RSPO3: variants seen among roughly 807,000 people sequenced by gnomAD.
RSPO3 encodes the protein R-spondin 3, also known as R-spondin-3.
A neutral mutation model predicts 36.5 loss-of-function variants in RSPO3; 17 were observed. The ratio of observed to expected loss-of-function variants is 0.47; its 90% confidence interval spans 0.32 to 0.70. The LOEUF (loss-of-function observed/expected upper bound fraction) is 0.70. Among genes scored for constraint, RSPO3 ranks in the 30% least tolerant of loss-of-function variants. RSPO3 has a pLI of 0.04. For missense variants in RSPO3, 294 were observed against 322.5 expected, an observed-to-expected ratio of 0.91 and a Z score of 0.68; for synonymous variants, 108 against 107.0, an observed-to-expected ratio of 1.01 and a Z score of -0.06.
At chr6:127,139,576 T>C (rs1053068527) in intron 1 of RSPO3, among the ~76,000 whole-genome samples, 6 of 151,764 alleles carry the variant, frequency 4.0e-5, no homozygotes, top group African/African-American at 1.5e-4. Flanking sequence ...AAAATATTTC[T>C]AACCTTAAAA....
Position 127,167,453 on chromosome 6 carries a change from G to A in RSPO3, c.634+12015G>A, listed in dbSNP as rs192651069. Among the ~76,000 whole-genome samples, 24 of 151,948 alleles carry A rather than the reference G, an allele frequency of 1.6e-4. 1 individual carries two copies. The highest frequency in any genetic ancestry group is 2.7e-4 in the Non-Finnish European group (18 of 67,920). On this transcript the variant is annotated intron_variant, in intron 4 of 4. Transcript: ENST00000356698. Reference sequence around the variant, plus strand: ...CATATCCCTGTAAAGGACATGATCCGATTCCCTTTTATGGCTGCATAATAT... The same window carrying A: ...CATATCCCTGTAAAGGACATGATCCAATTCCCTTTTATGGCTGCATAATAT...
chr6:127,123,827 T>C (rs1773890576), intron 1 of RSPO3, among the ~76,000 whole-genome samples: 1 of 152,066 alleles, frequency 6.6e-6, no homozygotes, highest in Non-Finnish European at 1.5e-5. Context: ...GCATTTAATA[T>C]TGTACAAATT....
intron 4 of RSPO3, chr6:127,192,786 A>G (rs747593545): frequency 7.4e-5 from 46 of 618,448 alleles, no homozygotes; most frequent in South Asian, 5.0e-4. Flanking sequence ...GTATATATAT[A>G]TGTGTGTGTA....
rs549833773 is a variant in RSPO3, at chr6:127,139,018, T to A, written c.98-9630T>A. ...ATGCAGGGAGCCATGCACATAAGTA[T>A]AAAGATGCATCATACTTACAAAGGT... On this transcript the variant is annotated intron_variant, in intron 1 of 4. Coordinates refer to ENST00000356698, the MANE Select transcript of RSPO3 (RefSeq NM_032784.5). Among the ~76,000 whole-genome samples the A allele has an allele frequency of 3.9e-4, 60 of 152,274 alleles. No homozygotes were observed. The East Asian group carries it at 0.012, about 29-fold the overall frequency.
intron 1 of RSPO3, among the ~76,000 whole-genome samples, chr6:127,143,852 T>C (rs1167632065): frequency 3.3e-5 from 5 of 152,242 alleles, no homozygotes; most frequent in Non-Finnish European, 5.9e-5. Flanking sequence ...TGATACATCA[T>C]AAACATTGAA....
intron 4 of RSPO3, among the ~76,000 whole-genome samples, chr6:127,192,317 T>C (rs750060468): frequency 6.6e-6 from 1 of 152,196 alleles, no homozygotes; most frequent in Non-Finnish European, 1.5e-5. Context: ...TAATATTAGT[T>C]TTCATTTGTC....
chr6:127,151,658 C>A (rs1449121598), intron 3 of RSPO3, among the ~76,000 whole-genome samples: 1 of 151,920 alleles, frequency 6.6e-6, no homozygotes, highest in East Asian at 1.9e-4. Context: ...AAACAATGTT[C>A]TTGATAGAAT....
In RSPO3 at chr6:127,197,212, A is replaced by G. The variant is rs1775532311; in HGVS notation, c.*1205A>G. 26 of 537,818 alleles carry G rather than the reference A, an allele frequency of 4.8e-5. No individual in the cohort carries two copies. In the South Asian group the frequency reaches 7.1e-4, roughly 15 times the overall value. The allele number at this position is 537,818 out of a possible 1,614,324, so 33.3% of individuals were successfully genotyped here. On this transcript the variant is annotated 3_prime_UTR_variant, in exon 5 of 5. Coordinates refer to ENST00000356698, the MANE Select transcript of RSPO3 (RefSeq NM_032784.5). ...TTTGAATCCACCTTTATCTGAGCCA[A>G]TGGAGATTTACTTATAGCGTATTAG... is the stretch of plus-strand genomic sequence containing the variant.
At chr6:127,141,359 A>G (rs1246484132) in intron 1 of RSPO3, among the ~76,000 whole-genome samples, 2 of 152,294 alleles carry the variant, frequency 1.3e-5, no homozygotes, top group Non-Finnish European at 2.9e-5. Context: ...TACAGCTAAC[A>G]TCATTTGCTA....
At position 127,148,636 on chromosome 6, in the gene RSPO3, T is replaced by G. The variant is rs1252593906; in HGVS notation, c.98-12T>G. 1.9e-6 allele frequency: 3 copies of G among 1,597,800 alleles called. No homozygotes were observed. The highest frequency in any genetic ancestry group is 1.7e-5 in the Admixed American group (1 of 59,244). On this transcript the variant is annotated splice_polypyrimidine_tract_variant and intron_variant, in intron 1 of 4. Transcript: ENST00000356698. The stretch of plus-strand genomic sequence containing the variant: ...TAACCTTTGTAATGTCTTTCTACAT[T>G]TGTCTCCACAGTGCATCCTAACGTT...
intron 4 of RSPO3, among the ~76,000 whole-genome samples, chr6:127,184,363 G>C (rs1043898031): frequency 2.0e-5 from 3 of 151,732 alleles, no homozygotes; most frequent in African/African-American, 7.3e-5. Flanking sequence ...ATATCACCTT[G>C]ACAAATTGCA....
intron 1 of RSPO3, among the ~76,000 whole-genome samples, chr6:127,125,658 G>A (rs1346317262): frequency 6.6e-6 from 1 of 152,152 alleles, no homozygotes; most frequent in African/African-American, 2.4e-5. Context: ...TTGATTATAA[G>A]TAAATTTATC....
intron 3 of RSPO3, among the ~76,000 whole-genome samples, chr6:127,151,301 T>A (rs1009023545): frequency 2.6e-5 from 4 of 152,004 alleles, no homozygotes; most frequent in Non-Finnish European, 5.9e-5. Flanking sequence ...TCAGACAAGT[T>A]GTTTGTCTAA....
At chr6:127,148,188 A>G (rs1017553041) in intron 1 of RSPO3, among the ~76,000 whole-genome samples, 12 of 152,086 alleles carry the variant, frequency 7.9e-5, no homozygotes, top group African/African-American at 2.9e-4. Flanking sequence ...TTAGAAACAT[A>G]TGCTTATCCT....
chr6:127,138,173 C>G (rs1774199733), intron 1 of RSPO3, among the ~76,000 whole-genome samples: 1 of 152,084 alleles, frequency 6.6e-6, no homozygotes, highest in African/African-American at 2.4e-5. Flanking sequence ...TTTTTACACA[C>G]AGTAAAGTTT....
intron 1 of RSPO3, among the ~76,000 whole-genome samples, chr6:127,123,958 T>C (rs895104542): frequency 1.3e-5 from 2 of 152,096 alleles, no homozygotes; most frequent in African/African-American, 4.8e-5. Flanking sequence ...CTGATTATTT[T>C]AGATTATTTG....
chr6:127,174,285 C>A (rs1775002643), intron 4 of RSPO3, among the ~76,000 whole-genome samples: 1 of 151,842 alleles, frequency 6.6e-6, no homozygotes, highest in South Asian at 2.1e-4. Context: ...AACCTACTAG[C>A]AGTCTATTAA....
At chr6:127,189,660 T>G (rs1360850546) in intron 4 of RSPO3, among the ~76,000 whole-genome samples, 2 of 152,224 alleles carry the variant, frequency 1.3e-5, no homozygotes, top group Non-Finnish European at 2.9e-5. Context: ...TATATTTTAA[T>G]GGTCAGAGCT....
At chr6:127,140,283 T>C (rs1283699184) in intron 1 of RSPO3, among the ~76,000 whole-genome samples, 1 of 152,176 alleles carries the variant, frequency 6.6e-6, no homozygotes, top group Non-Finnish European at 1.5e-5. Flanking sequence ...TTTTATTCTT[T>C]CTTTGTTCTT....
Sources: allele counts gnomAD v4.1 joint callset (sites outside exome capture counted in the v4.1 genomes callset), GRCh38; gene constraint gnomAD v4.1.1; transcripts MANE v1.5; gene names NCBI Gene and HGNC (gene_info 2026-07-23, HGNC 2026-07-21).